Variants in VCX3B observed in about 807,000 individuals in gnomAD.
VCX3B encodes variable charge X-linked 3B.
For synonymous variants in VCX3B, 15 were observed against 85.8 expected, an observed-to-expected ratio of 0.17 and a Z score of 4.56; for missense variants, 43 against 195.3, an observed-to-expected ratio of 0.22 and a Z score of 4.65.
rs780957983 is a variant in VCX3B, at chrX:8,465,542, CGAA to C, written c.100_102del (p.Lys34del). ...TCCTCTCAGCCGAGCCCCAGTGACC[CGAA>C]GAAGAAGGTGAGTGACCCTCCCAAG... is the stretch of plus-strand genomic sequence containing the variant. On this transcript the variant is annotated inframe_deletion, in exon 2 of 3. Coordinates refer to ENST00000381032, the MANE Select transcript of VCX3B (RefSeq NM_001001888.4). The C allele has an allele frequency of 3.6e-6, 4 of 1,120,315 alleles. No homozygotes were observed. The highest frequency in any genetic ancestry group is 3.6e-6 in the Non-Finnish European group (3 of 831,126). The allele number at this position is 1,120,315 out of a possible 1,213,427, so 92.3% of individuals were successfully genotyped here.
chrX:8,466,312 C>G lies in VCX3B; in HGVS notation c.670C>G (p.Leu224Val). The part of the protein sequence containing the change: ...LSQESQVEEP[L>V]SQESEMEEPL... Reference sequence around the variant, plus strand: ...TCAGGAGAGCCAGGTGGAGGAACCACTGAGTCAGGAGAGCGAGATGGAAGA... The same window carrying G: ...TCAGGAGAGCCAGGTGGAGGAACCAGTGAGTCAGGAGAGCGAGATGGAAGA... The change falls in exon 3 of 3, where the codon CTG becomes GTG. Residue 224 changes from leucine (L) to valine (V), a missense_variant. Leu to Val is a conservative substitution (Grantham distance 32, BLOSUM62 1). Transcript: ENST00000381032. 9.1e-7 allele frequency: 1 copy of G among 1,102,203 alleles called. No homozygotes were observed. The highest frequency in any genetic ancestry group is 1.2e-6 in the Non-Finnish European group (1 of 835,966). The allele number at this position is 1,102,203 out of a possible 1,213,427, so 90.8% of individuals were successfully genotyped here. A position where few individuals can be genotyped will look rare whatever the true frequency, so the allele number is the denominator to read the frequency against.
In VCX3B at chrX:8,466,416, C is replaced by T. The variant is rs764620116; in HGVS notation, c.*33C>T. The T allele has an allele frequency of 5.7e-5, 60 of 1,047,054 alleles. 2 individuals are homozygous for T. The South Asian group carries it at 8.3e-4, about 15-fold the overall frequency. 86.3% of individuals were successfully genotyped at this position (1,047,054 alleles called of 1,213,427 possible). A position where few individuals can be genotyped will look rare whatever the true frequency, so the allele number is the denominator to read the frequency against. Reference sequence around the variant, plus strand: ...AGTACTCCCCTATCTCCGAGAGCAGCGACTAAGTTCAGGCCCAGCCGCCAG... The same window carrying T: ...AGTACTCCCCTATCTCCGAGAGCAGTGACTAAGTTCAGGCCCAGCCGCCAG... On this transcript the variant is annotated 3_prime_UTR_variant, in exon 3 of 3. Transcript: ENST00000381032.
Position 8,466,282 on chromosome X carries a change from CTGAGT to C in VCX3B, c.641_645del (p.Leu214ProfsTer?). 9.0e-7 allele frequency: 1 copy of C among 1,106,224 alleles called. No homozygotes were observed. Among genetic ancestry groups the C allele is most frequent in the Non-Finnish European group, 1.2e-6 (1 of 838,809 alleles). The allele number at this position is 1,106,224 out of a possible 1,213,427, so 91.2% of individuals were successfully genotyped here. On this transcript the variant is annotated frameshift_variant, in exon 3 of 3. Coordinates refer to ENST00000381032, the MANE Select transcript of VCX3B (RefSeq NM_001001888.4). LOFTEE classifies it high-confidence loss of function. ...TCAGGAGAGCGAGATGGAAGAACCA[CTGAGT>C]CAGGAGAGCCAGGTGGAGGAACCAC...
rs766878059 is a variant in VCX3B at position 8,465,483 on chromosome X, G to A, written c.33G>A (p.Pro11=). ...CAAAGCCGAGAGCCTCGGGACCTCC[G>A]GCCAAGGCCAAGGAGGCAGGAAAGA... is the stretch of plus-strand genomic sequence containing the variant. MSPKPRASGP[P]AKAKEAGKRK... Residue 11 remains proline, a synonymous_variant, in exon 2 of 3, where the codon CCG becomes CCA. Transcript: ENST00000381032. The A allele has an allele frequency of 6.0e-5, 59 of 985,019 alleles. 2 individuals carry two copies. Among genetic ancestry groups the A allele is most frequent in the Admixed American group, 8.3e-5 (3 of 36,290 alleles). The allele number at this position is 985,019 out of a possible 1,213,427, so 81.2% of individuals were successfully genotyped here.
chrX:8,464,939 G>A lies in VCX3B; in HGVS notation c.-198G>A, dbSNP rs1928451840. ...GAATTTGTAGGAGAGAGGGATGATT[G>A]ACATCTTCGTGTAGCCCTCCATCCA... is the stretch of plus-strand genomic sequence containing the variant. On this transcript the variant is annotated 5_prime_UTR_variant, in exon 1 of 3. The change abolishes the stop of an existing upstream ORF in the 5' untranslated region. Transcript: ENST00000381032. 7.0e-6 allele frequency: 1 copy of A among 142,286 alleles called. No homozygotes were observed. Among genetic ancestry groups the A allele is most frequent in the Non-Finnish European group, 1.2e-5 (1 of 80,064 alleles). The allele number at this position is 142,286 out of a possible 1,213,427, so 11.7% of individuals were successfully genotyped here.
chrX:8,466,180 G>C lies in VCX3B; in HGVS notation c.538G>C (p.Val180Leu), dbSNP rs1456395489. The C allele has an allele frequency of 3.8e-5, 19 of 494,726 alleles. No homozygotes were observed. The highest frequency in any genetic ancestry group is 6.2e-5 in the Admixed American group (1 of 16,097). The allele number at this position is 494,726 out of a possible 1,213,427, so 40.8% of individuals were successfully genotyped here. A position where few individuals can be genotyped will look rare whatever the true frequency, so the allele number is the denominator to read the frequency against. The stretch of plus-strand genomic sequence containing the variant: ...AGAACCACTGAGTCAGGAGAGCCAG[G>C]TGGAGGAACCACTGAGTCAGGAGAG... ...VEEPLSQESQ[V>L]EEPLSQESEV... Residue 180 changes from valine (V) to leucine (L), a missense_variant, in exon 3 of 3, where the codon GTG becomes CTG. Coordinates refer to ENST00000381032, the MANE Select transcript of VCX3B (RefSeq NM_001001888.4).
At chrX:8,465,629 G>A (rs1928479529) in intron 2 of VCX3B, 77 bp downstream of exon 2, 1 of 1,046,025 alleles carries the variant, frequency 9.6e-7, no homozygotes, top group African/African-American at 2.0e-5. Context: ...GTCGTCACTT[G>A]GCACAACCCC....
rs200532134 is a variant in VCX3B, at chrX:8,465,539, A to G, written c.89A>G (p.Asp30Gly). 16,876 of 1,091,524 alleles carry G rather than the reference A, an allele frequency of 0.015. 136 individuals carry two copies. Among genetic ancestry groups the G allele is most frequent in the East Asian group, 0.041 (1,193 of 29,240 alleles). The allele number at this position is 1,091,524 out of a possible 1,213,427, so 90.0% of individuals were successfully genotyped here. A position where few individuals can be genotyped will look rare whatever the true frequency, so the allele number is the denominator to read the frequency against. The change falls in exon 2 of 3, where the codon GAC (aspartate) becomes GGC (glycine). Residue 30 changes from aspartate (D) to glycine (G), a missense_variant. Coordinates refer to ENST00000381032, the MANE Select transcript of VCX3B (RefSeq NM_001001888.4). ...TCCTCCTCTCAGCCGAGCCCCAGTG[A>G]CCCGAAGAAGAAGGTGAGTGACCCT... is the stretch of plus-strand genomic sequence containing the variant. ...RKSSSQPSPS[D>G]PKKKTTKVAK...
rs751975346 is a variant in VCX3B at position 8,466,309 on chromosome X, C to T, written c.667C>T (p.Pro223Ser). The change falls in exon 3 of 3, where the codon CCA (proline) becomes TCA (serine). Residue 223 changes from proline to serine, a missense_variant. By Grantham distance (74) the Pro-to-Ser change is moderately conservative. Transcript: ENST00000381032. ...PLSQESQVEEPLSQESEMEEP... is the reference protein window; with the variant it reads ...PLSQESQVEESLSQESEMEEP... Reference sequence around the variant, plus strand: ...GAGTCAGGAGAGCCAGGTGGAGGAACCACTGAGTCAGGAGAGCGAGATGGA... The same window carrying T: ...GAGTCAGGAGAGCCAGGTGGAGGAATCACTGAGTCAGGAGAGCGAGATGGA... 1 of 1,101,008 alleles carries T rather than the reference C, an allele frequency of 9.1e-7. No homozygotes were observed. The highest frequency in any genetic ancestry group is 3.2e-5 in the East Asian group (1 of 30,980). The allele number at this position is 1,101,008 out of a possible 1,213,427, so 90.7% of individuals were successfully genotyped here.
chrX:8,466,159 C>T lies in VCX3B; in HGVS notation c.517C>T (p.Pro173Ser). Residue 173 changes from proline to serine, a missense_variant, in exon 3 of 3, where the codon CCA (proline) becomes TCA (serine). Coordinates refer to ENST00000381032, the MANE Select transcript of VCX3B (RefSeq NM_001001888.4). Reference sequence around the variant, plus strand: ...GAGTCAGGAGAGCGAGGTGGAAGAACCACTGAGTCAGGAGAGCCAGGTGGA... The same window carrying T: ...GAGTCAGGAGAGCGAGGTGGAAGAATCACTGAGTCAGGAGAGCCAGGTGGA... ...PLSQESEVEE[P>S]LSQESQVEEP... 1 of 879,141 alleles carries T rather than the reference C, an allele frequency of 1.1e-6. No individual in the cohort carries two copies. Among genetic ancestry groups the T allele is most frequent in the Non-Finnish European group, 1.4e-6 (1 of 693,038 alleles). 72.5% of individuals were successfully genotyped at this position (879,141 alleles called of 1,213,427 possible).
rs1250693067 is a variant in VCX3B, at chrX:8,466,190, C to T, written c.548C>T (p.Pro183Leu). ...PLSQESQVEE[P>L]LSQESEVEEP... Reference sequence around the variant, plus strand: ...AGTCAGGAGAGCCAGGTGGAGGAACCACTGAGTCAGGAGAGCGAGGTGGAA... The same window carrying T: ...AGTCAGGAGAGCCAGGTGGAGGAACTACTGAGTCAGGAGAGCGAGGTGGAA... Residue 183 changes from proline (P) to leucine (L), a missense_variant, in exon 3 of 3, where the codon CCA (proline) becomes CTA (leucine). Coordinates refer to ENST00000381032, the MANE Select transcript of VCX3B (RefSeq NM_001001888.4). The T allele has an allele frequency of 3.9e-6, 2 of 508,380 alleles. No homozygotes were observed. Among genetic ancestry groups the T allele is most frequent in the South Asian group, 6.3e-5 (2 of 31,527 alleles). The allele number at this position is 508,380 out of a possible 1,213,427, so 41.9% of individuals were successfully genotyped here.
rs1473827415 is a variant in VCX3B at position 8,464,978 on chromosome X, G to A, written c.-159G>A. 6.4e-6 allele frequency: 1 copy of A among 156,778 alleles called. No individual in the cohort carries two copies. Among genetic ancestry groups the A allele is most frequent in the South Asian group, 1.6e-4 (1 of 6,115 alleles). The allele number at this position is 156,778 out of a possible 1,213,427, so 12.9% of individuals were successfully genotyped here. A position where few individuals can be genotyped will look rare whatever the true frequency, so the allele number is the denominator to read the frequency against. On this transcript the variant is annotated 5_prime_UTR_variant, in exon 1 of 3. An upstream start codon of the reference 5' UTR is lost. Coordinates refer to ENST00000381032, the MANE Select transcript of VCX3B (RefSeq NM_001001888.4). ...GCCCTCCATCCATCCCAGTTAGCAT[G>A]GAGGGATTTTAGGTAGGTCATACAG...
In VCX3B at chrX:8,465,430, C is replaced by T. The variant is rs201527531; in HGVS notation, c.-21C>T. On this transcript the variant is annotated 5_prime_UTR_variant, in exon 2 of 3. Coordinates refer to ENST00000381032, the MANE Select transcript of VCX3B (RefSeq NM_001001888.4). The stretch of plus-strand genomic sequence containing the variant: ...GCAGCCTGGAGTTAGTCGACCGTTG[C>T]GAGACGTTGAGCTGCGGAAGATGAG... 3.7e-3 allele frequency: 4,160 copies of T among 1,121,127 alleles called. 39 individuals are homozygous for T. Among genetic ancestry groups the T allele is most frequent in the Non-Finnish European group, 4.2e-3 (3,492 of 830,142 alleles). 92.4% of individuals were successfully genotyped at this position (1,121,127 alleles called of 1,213,427 possible).
rs750578355 is a variant in VCX3B, at chrX:8,466,267, G to A, written c.625G>A (p.Glu209Lys). Residue 209 changes from glutamate (E) to lysine (K), a missense_variant, in exon 3 of 3, where the codon GAG becomes AAG. Physicochemically the swap from Glu to Lys is moderately conservative, Grantham distance 56. Transcript: ENST00000381032. The part of the protein sequence containing the change: ...QVEEPLSQES[E>K]MEEPLSQESQ... ...GGAGGAACCACTGAGTCAGGAGAGC[G>A]AGATGGAAGAACCACTGAGTCAGGA... 5 of 1,111,982 alleles carry A rather than the reference G, an allele frequency of 4.5e-6. No individual in the cohort carries two copies. The highest frequency in any genetic ancestry group is 4.7e-6 in the Non-Finnish European group (4 of 843,265). The allele number at this position is 1,111,982 out of a possible 1,213,427, so 91.6% of individuals were successfully genotyped here.
Position 8,466,369 on chromosome X carries a change from C to G in VCX3B, c.727C>G (p.Leu243Val), listed in dbSNP as rs778637144. The G allele has an allele frequency of 9.1e-7, 1 of 1,100,771 alleles. No homozygotes were observed. The highest frequency in any genetic ancestry group is 1.2e-6 in the Non-Finnish European group (1 of 839,704). 90.7% of individuals were successfully genotyped at this position (1,100,771 alleles called of 1,213,427 possible). ...GAGTCAGGAGAGCGAGATGGAAGAA[C>G]TACCGAGTGTGTAGACGGCCAAGTA... ...PLSQESEMEELPSV is the reference protein window; with the variant it reads ...PLSQESEMEEVPSV The change falls in exon 3 of 3, where the codon CTA becomes GTA. Residue 243 changes from leucine (L) to valine (V), a missense_variant. Leu to Val is a conservative substitution (Grantham distance 32). Transcript: ENST00000381032.
At chrX:8,465,012 T>C in intron 1 of VCX3B, 22 bp downstream of exon 1, 1 of 178,844 alleles carries the variant, frequency 5.6e-6, no homozygotes, top group Non-Finnish European at 9.0e-6. Context: ...AGAAACCGGG[T>C]AATGATGGCA....
At position 8,465,495 on chromosome X, in the gene VCX3B, G is replaced by A. The variant is rs1310685353; in HGVS notation, c.45G>A (p.Lys15=). Reference sequence around the variant, plus strand: ...CCTCGGGACCTCCGGCCAAGGCCAAGGAGGCAGGAAAGAGGAAGTCCTCCT... The same window carrying A: ...CCTCGGGACCTCCGGCCAAGGCCAAAGAGGCAGGAAAGAGGAAGTCCTCCT... ...PRASGPPAKA[K]EAGKRKSSSQ... The change falls in exon 2 of 3, where the codon AAG becomes AAA. Residue 15 remains lysine, a synonymous_variant. Coordinates refer to ENST00000381032, the MANE Select transcript of VCX3B (RefSeq NM_001001888.4). 5.1e-6 allele frequency: 5 copies of A among 988,133 alleles called. 1 individual carries two copies. The highest frequency in any genetic ancestry group is 2.7e-6 in the Non-Finnish European group (2 of 737,149). 81.4% of individuals were successfully genotyped at this position (988,133 alleles called of 1,213,427 possible).
Position 8,464,903 on chromosome X carries a change from G to A in VCX3B, c.-234G>A. 1 of 137,365 alleles carries A rather than the reference G, an allele frequency of 7.3e-6. No individual in the cohort carries two copies. The highest frequency in any genetic ancestry group is 1.4e-5 in the Non-Finnish European group (1 of 73,155). The allele number at this position is 137,365 out of a possible 1,213,427, so 11.3% of individuals were successfully genotyped here. On this transcript the variant is annotated 5_prime_UTR_variant, in exon 1 of 3. The change creates a new upstream start codon in the 5' untranslated region. Coordinates refer to ENST00000381032, the MANE Select transcript of VCX3B (RefSeq NM_001001888.4). ...ATCCAAGAAGTGAATGATCCTCAAG[G>A]TGTAGCAGAGGAATTTGTAGGAGAG... is the stretch of plus-strand genomic sequence containing the variant.
rs371122549 is a variant in VCX3B at position 8,466,177 on chromosome X, C to G, written c.535C>G (p.Gln179Glu). 4.9e-4 allele frequency: 274 copies of G among 562,869 alleles called. 6 individuals carry two copies. Among genetic ancestry groups the G allele is most frequent in the South Asian group, 1.2e-3 (38 of 31,081 alleles). The allele number at this position is 562,869 out of a possible 1,213,427, so 46.4% of individuals were successfully genotyped here. A position where few individuals can be genotyped will look rare whatever the true frequency, so the allele number is the denominator to read the frequency against. Residue 179 changes from glutamine (Q) to glutamate (E), a missense_variant, in exon 3 of 3, where the codon CAG (glutamine) becomes GAG (glutamate). Physicochemically the swap from Gln to Glu is conservative, Grantham distance 29. Transcript: ENST00000381032. The part of the protein sequence containing the change: ...EVEEPLSQES[Q>E]VEEPLSQESE... ...GGAAGAACCACTGAGTCAGGAGAGC[C>G]AGGTGGAGGAACCACTGAGTCAGGA... is the stretch of plus-strand genomic sequence containing the variant.
Sources: allele counts gnomAD v4.1 joint callset, GRCh38; gene constraint gnomAD v4.1.1; transcripts MANE v1.5; gene names NCBI Gene and HGNC (gene_info 2026-07-23, HGNC 2026-07-21).